The following ZNF827 variants were observed in gnomAD, a reference collection of about 807,000 sequenced individuals.
The protein encoded by ZNF827 is zinc finger protein 827.
In ZNF827, 13 loss-of-function variants were observed where a neutral mutation model predicts 102.4. That is an observed-to-expected ratio of 0.13 (90% confidence interval 0.08 to 0.20). The LOEUF is 0.20. Ranked by LOEUF, ZNF827 falls within the 10% of genes least tolerant of loss-of-function variation. The pLI is 1.00. For missense variants in ZNF827, 1,103 were observed against 1,344.4 expected, an observed-to-expected ratio of 0.82 and a Z score of 2.81; for synonymous variants, 523 against 536.2, an observed-to-expected ratio of 0.98 and a Z score of 0.34.
At chr4:145,879,673 G>A (rs1055749562) in intron 4 of ZNF827, among the ~76,000 whole-genome samples, 1 of 152,184 alleles carries the variant, frequency 6.6e-6, no homozygotes, top group Non-Finnish European at 1.5e-5. Context: ...AGTACGCTGT[G>A]AAGCTCTACA....
chr4:145,793,360 G>A (rs1345793858), intron 8 of ZNF827, among the ~76,000 whole-genome samples: 2 of 2,818 alleles, frequency 7.1e-4, no homozygotes, highest in Non-Finnish European at 2.5e-3. Context: ...AGTTTATTAA[G>A]TTTTAACTTA....
intron 5 of ZNF827, among the ~76,000 whole-genome samples, chr4:145,852,697 AG>A (rs1314823226): frequency 3.3e-5 from 5 of 152,152 alleles, no homozygotes; most frequent in Non-Finnish European, 5.9e-5. Context: ...CAGGATGTTT[AG>A]CAACATCCTT....
At chr4:145,890,499 C>CT (rs1750508705) in intron 3 of ZNF827, among the ~76,000 whole-genome samples, 1 of 152,110 alleles carries the variant, frequency 6.6e-6, no homozygotes, top group Non-Finnish European at 1.5e-5. Context: ...GAAAACCCTG[C>CT]TTTTTTTCCA....
intron 7 of ZNF827, chr4:145,834,862 G>A (rs1455290700): frequency 3.3e-5 from 5 of 152,220 alleles, no homozygotes; most frequent in South Asian, 2.1e-4. Flanking sequence ...AATTAACCTC[G>A]CCTTCAAGGT....
intron 1 of ZNF827, among the ~76,000 whole-genome samples, chr4:145,930,760 A>G (rs1753738921): frequency 6.6e-6 from 1 of 152,218 alleles, no homozygotes; most frequent in African/African-American, 2.4e-5. Context: ...TAAAGGCCAC[A>G]TTCTGACCTC....
intron 8 of ZNF827, among the ~76,000 whole-genome samples, chr4:145,807,183 A>G (rs1741537232): frequency 6.6e-6 from 1 of 152,214 alleles, no homozygotes; most frequent in South Asian, 2.1e-4. Context: ...TTGTTTACAC[A>G]AGATTGTTGT....
chr4:145,907,806 A>G (rs576720516), intron 1 of ZNF827, among the ~76,000 whole-genome samples: 17 of 152,226 alleles, frequency 1.1e-4, no homozygotes, highest in Non-Finnish European at 1.3e-4. Context: ...AATTTTACAC[A>G]ACAGTCTGTT....
chr4:145,852,893 G>A (rs986134461), intron 5 of ZNF827, among the ~76,000 whole-genome samples: 2 of 152,110 alleles, frequency 1.3e-5, no homozygotes, highest in African/African-American at 4.8e-5. Context: ...TCAGCCTCCT[G>A]AGAAGCTGGG....
At chr4:145,807,200 T>C (rs1741538929) in intron 8 of ZNF827, among the ~76,000 whole-genome samples, 1 of 152,222 alleles carries the variant, frequency 6.6e-6, no homozygotes, top group Admixed American at 6.5e-5. Context: ...TTGTACAAGA[T>C]GTTTAGCAGT....
chr4:145,864,420 C>CA (rs34745619), intron 5 of ZNF827, among the ~76,000 whole-genome samples: 20,594 of 60,860 alleles, frequency 0.34, 3,305 homozygotes, highest in Non-Finnish European at 0.4. Flanking sequence ...CTTGTCTCTA[C>CA]AAAAAAAAAA....
At chr4:145,934,530 T>C (rs944632268) in intron 1 of ZNF827, among the ~76,000 whole-genome samples, 13 of 152,162 alleles carry the variant, frequency 8.5e-5, no homozygotes, top group African/African-American at 2.9e-4. Flanking sequence ...TGGGAAACCT[T>C]AGCAGGCCGG....
chr4:145,880,337 A>G (rs1346471769), intron 4 of ZNF827, among the ~76,000 whole-genome samples: 3 of 152,258 alleles, frequency 2.0e-5, no homozygotes, highest in African/African-American at 7.2e-5. Flanking sequence ...GGGAATACTT[A>G]TACCACCTAC....
At chr4:145,877,511 C>G in intron 4 of ZNF827, among the ~76,000 whole-genome samples, 1 of 151,942 alleles carries the variant, frequency 6.6e-6, no homozygotes, top group East Asian at 1.9e-4. Flanking sequence ...CTTTAATTTC[C>G]CTTAAATCAT....
At chr4:145,767,683 A>G (rs566718455) in intron 11 of ZNF827, among the ~76,000 whole-genome samples, 10 of 152,378 alleles carry the variant, frequency 6.6e-5, no homozygotes, top group Admixed American at 6.5e-4. Flanking sequence ...ACTGGACACT[A>G]TGCAAGTAAG....
chr4:145,920,920 A>G (rs1051343288), intron 1 of ZNF827, among the ~76,000 whole-genome samples: 7 of 152,230 alleles, frequency 4.6e-5, no homozygotes, highest in African/African-American at 1.7e-4. Context: ...ATGTACAAAA[A>G]TGAATAAGAA....
In ZNF827 at chr4:145,761,429, C is replaced by T. The variant is rs1224272321; in HGVS notation, c.*187G>A. ...GTCTTGGACAGGTAGCCGCACTGGT[C>T]GCACTTGTAGTGGTTGCCCAGGCGG... is the stretch of plus-strand genomic sequence containing the variant. On this transcript the variant is annotated 3_prime_UTR_variant, in exon 15 of 15. Coordinates refer to ENST00000508784, the MANE Select transcript of ZNF827 (RefSeq NM_001306215.2). This position sits in a 1 kb window ranked among gnomAD's most constrained non-coding sequence, Gnocchi z 6.8. 7 of 1,289,842 alleles carry T rather than the reference C, an allele frequency of 5.4e-6. No homozygotes were observed. The highest frequency in any genetic ancestry group is 5.6e-5 in the East Asian group (1 of 18,006). The allele number at this position is 1,289,842 out of a possible 1,614,324, so 79.9% of individuals were successfully genotyped here.
chr4:145,878,131 T>C (rs1462293063), intron 4 of ZNF827, among the ~76,000 whole-genome samples: 2 of 152,186 alleles, frequency 1.3e-5, no homozygotes, highest in African/African-American at 4.8e-5. Flanking sequence ...TGTAAATGAT[T>C]TTTGTCATTG....
intron 3 of ZNF827, among the ~76,000 whole-genome samples, chr4:145,888,695 C>A (rs1180207534): frequency 6.6e-6 from 1 of 152,236 alleles, no homozygotes; most frequent in Non-Finnish European, 1.5e-5. Flanking sequence ...CAGTTTCCTG[C>A]TAATACTTCA....
chr4:145,782,347 T>G (rs771213223), intron 8 of ZNF827, among the ~76,000 whole-genome samples: 1 of 152,186 alleles, frequency 6.6e-6, no homozygotes, highest in Non-Finnish European at 1.5e-5. Flanking sequence ...CCGTTCTTTT[T>G]TCCAGGAGCT....
Sources: allele counts gnomAD v4.1 joint callset (sites outside exome capture counted in the v4.1 genomes callset), GRCh38; gene constraint gnomAD v4.1.1; non-coding constraint Gnocchi (gnomAD v3.1); transcripts MANE v1.5; gene names NCBI Gene and HGNC (gene_info 2026-07-23, HGNC 2026-07-21).